The following PEBP4 variants were observed in gnomAD, a reference collection of about 807,000 sequenced individuals.
PEBP4 encodes the protein phosphatidylethanolamine-binding protein 4.
In PEBP4, 22 loss-of-function variants were observed where a neutral mutation model predicts 23.9. The observed-to-expected ratio is 0.92, with a 90% CI of 0.66 to 1.31. PEBP4 has a LOEUF of 1.31. Among genes scored for constraint, PEBP4 ranks in the 40% most tolerant of loss-of-function variants. The pLI is 0.00. For synonymous variants in PEBP4, 112 were observed against 99.3 expected, an observed-to-expected ratio of 1.13 and a Z score of -0.76; for missense variants, 324 against 281.7, an observed-to-expected ratio of 1.15 and a Z score of -1.07.
intron 4 of PEBP4, among the ~76,000 whole-genome samples, chr8:22,771,808 G>A (rs1805723105): frequency 6.6e-6 from 1 of 152,184 alleles, no homozygotes; most frequent in Admixed American, 6.5e-5. Flanking sequence ...CCACCCAAAA[G>A]TTACCACCCT....
chr8:22,745,741 A>G (rs958498448), intron 4 of PEBP4: 4 of 152,188 alleles, frequency 2.6e-5, no homozygotes, highest in Non-Finnish European at 5.9e-5. Context: ...TCCTGCCCGT[A>G]ACACAGGAGG....
chr8:22,732,148 C>T (rs1042583177), intron 4 of PEBP4, among the ~76,000 whole-genome samples: 5 of 145,370 alleles, frequency 3.4e-5, no homozygotes, highest in Non-Finnish European at 7.6e-5. Context: ...ACATTCTGGG[C>T]CTTCTAAGTT....
intron 2 of PEBP4, chr8:22,924,596 C>G: frequency 1.1e-6 from 1 of 934,454 alleles, no homozygotes; most frequent in Non-Finnish European, 1.3e-6. Context: ...AGCAGGGCCT[C>G]GGGGTAAGAA....
intron 3 of PEBP4, among the ~76,000 whole-genome samples, chr8:22,908,122 G>T (rs182365570): frequency 4.3e-4 from 65 of 152,248 alleles, no homozygotes; most frequent in Admixed American, 1.1e-3. Flanking sequence ...GAGCAGGCTG[G>T]GGTTGGGAGT....
At chr8:22,904,758 G>A (rs184297917) in intron 3 of PEBP4, among the ~76,000 whole-genome samples, 224 of 152,146 alleles carry the variant, frequency 1.5e-3, no homozygotes, top group Middle Eastern at 3.4e-3. Flanking sequence ...GGCTTCCTTC[G>A]CTTAAAAATA....
intron 4 of PEBP4, among the ~76,000 whole-genome samples, chr8:22,762,188 C>T (rs1306841122): frequency 6.6e-6 from 1 of 152,160 alleles, no homozygotes; most frequent in African/African-American, 2.4e-5. Context: ...TTCTGGGGAG[C>T]TGTGCAAATT....
chr8:22,808,413 A>G (rs1390705332), intron 4 of PEBP4, among the ~76,000 whole-genome samples: 1 of 152,226 alleles, frequency 6.6e-6, no homozygotes, highest in Non-Finnish European at 1.5e-5. Flanking sequence ...CATTAATTCA[A>G]CATTTACCGA....
chr8:22,908,492 C>T (rs1808865894), intron 3 of PEBP4, among the ~76,000 whole-genome samples: 1 of 152,140 alleles, frequency 6.6e-6, no homozygotes, highest in Admixed American at 6.5e-5. Context: ...CACTGGCTCT[C>T]ACCCCTGAAA....
At chr8:22,814,447 C>G (rs1401770461) in intron 4 of PEBP4, among the ~76,000 whole-genome samples, 6 of 152,194 alleles carry the variant, frequency 3.9e-5, no homozygotes, top group Admixed American at 6.5e-5. Context: ...CGTACTAAAC[C>G]CTGCCAGCCC....
intron 4 of PEBP4, among the ~76,000 whole-genome samples, chr8:22,749,881 A>G (rs1190260348): frequency 7.2e-6 from 1 of 139,444 alleles, no homozygotes; most frequent in Admixed American, 8.2e-5. Flanking sequence ...ATGTTGTCTC[A>G]CTGGAACCTC....
chr8:22,816,690 C>T (rs963885132), intron 4 of PEBP4, among the ~76,000 whole-genome samples: 1 of 152,188 alleles, frequency 6.6e-6, no homozygotes, highest in South Asian at 2.1e-4. Context: ...GTCCAAACCA[C>T]ATCCAAACTT....
At position 22,789,779 on chromosome 8, in the gene PEBP4, C is replaced by T. The variant is rs1471556478; in HGVS notation, c.357+27858G>A. On this transcript the variant is annotated intron_variant, in intron 4 of 6. Coordinates refer to ENST00000256404, the MANE Select transcript of PEBP4 (RefSeq NM_144962.3). ...CACTTTTGTGACAGACATGATTCTC[C>T]TTCCTCCAGAAAAAATTCCTCTCCG... Among the ~76,000 whole-genome samples, 3 of 152,232 alleles carry T rather than the reference C, an allele frequency of 2.0e-5. No homozygotes were observed. The East Asian group carries it at 5.8e-4, about 29-fold the overall frequency.
chr8:22,918,637 G>A (rs1189228248), intron 3 of PEBP4, among the ~76,000 whole-genome samples: 1 of 152,196 alleles, frequency 6.6e-6, no homozygotes, highest in Non-Finnish European at 1.5e-5. Flanking sequence ...GAATTCCCTT[G>A]GGACTGTCCC....
intron 3 of PEBP4, among the ~76,000 whole-genome samples, chr8:22,854,608 C>G (rs531884820): frequency 1.3e-5 from 2 of 152,020 alleles, no homozygotes; most frequent in African/African-American, 2.4e-5. Flanking sequence ...GTCTTTTCTC[C>G]CCGTCTTCAC....
intron 3 of PEBP4, among the ~76,000 whole-genome samples, chr8:22,824,904 T>C (rs1178335170): frequency 1.3e-5 from 2 of 152,176 alleles, no homozygotes; most frequent in African/African-American, 2.4e-5. Context: ...TGTGGCCCAG[T>C]TCCTAACAGG....
At chr8:22,835,980 T>A (rs1473563080) in intron 3 of PEBP4, among the ~76,000 whole-genome samples, 1 of 152,172 alleles carries the variant, frequency 6.6e-6, no homozygotes, top group Non-Finnish European at 1.5e-5. Flanking sequence ...ACAGCAACAG[T>A]GTGATGCAGG....
chr8:22,762,706 C>T (rs1409279573), intron 4 of PEBP4, among the ~76,000 whole-genome samples: 1 of 151,946 alleles, frequency 6.6e-6, no homozygotes, highest in East Asian at 1.9e-4. Flanking sequence ...CCATGTTCTC[C>T]CCAACTGTGA....
intron 4 of PEBP4, chr8:22,757,148 A>G (rs1359762751): frequency 1.3e-5 from 2 of 152,234 alleles, no homozygotes; most frequent in African/African-American, 4.8e-5. Context: ...TTCATCTTTT[A>G]AAATCCTTAA....
chr8:22,905,628 G>A (rs1235438487), intron 3 of PEBP4, among the ~76,000 whole-genome samples: 2 of 152,198 alleles, frequency 1.3e-5, no homozygotes, highest in African/African-American at 4.8e-5. Flanking sequence ...TCAGGTAGAG[G>A]CAAGGACTGA....
Sources: gnomAD v4.1 joint callset for allele counts (sites outside exome capture counted in the v4.1 genomes callset) on GRCh38, gnomAD v4.1.1 for gene constraint, MANE v1.5 for transcripts, NCBI Gene and HGNC (gene_info 2026-07-23, HGNC 2026-07-21) for gene names.